FAM124B: variants seen among roughly 807,000 people sequenced by gnomAD.
FAM124B encodes protein FAM124B.
A neutral mutation model predicts 19.7 loss-of-function variants in FAM124B; 18 were observed. The observed-to-expected ratio is 0.92, with a 90% CI of 0.63 to 1.36. The LOEUF (loss-of-function observed/expected upper bound fraction) is 1.36, where lower values mean the gene tolerates loss of function less well. Among genes scored for constraint, FAM124B ranks in the 40% most tolerant of loss-of-function variants. The pLI, the probability that FAM124B is intolerant of heterozygous loss-of-function variation, is 0.00. For missense variants in FAM124B, 540 were observed against 553.3 expected (o/e 0.98, Z 0.24); for synonymous variants, 223 against 225.2 (o/e 0.99, Z 0.09).
chr2:224,382,504 G>T (rs1689739296), intron 1 of FAM124B, among the ~76,000 whole-genome samples: 1 of 149,474 alleles, frequency 6.7e-6, no homozygotes, highest in Admixed American at 6.7e-5. Flanking sequence ...CCACCTGCCA[G>T]GTTCAAGTGA....
At chr2:224,396,530 A>G (rs1057287988) in intron 1 of FAM124B, among the ~76,000 whole-genome samples, 10 of 152,084 alleles carry the variant, frequency 6.6e-5, no homozygotes, top group Non-Finnish European at 1.0e-4. Context: ...TTCCTTTAAT[A>G]GGTATAATTT....
intron 1 of FAM124B, 39 bp from the exon 2 acceptor site, chr2:224,380,247 T>G: frequency 2.0e-6 from 3 of 1,488,782 alleles, no homozygotes; most frequent in Non-Finnish European, 1.8e-6. Context: ...AAACATAATT[T>G]CCATTAACTA....
intron 1 of FAM124B, chr2:224,400,542 A>G: frequency 1.5e-6 from 1 of 684,748 alleles, no homozygotes; most frequent in East Asian, 2.7e-5. Context: ...AAAAAACCAT[A>G]TCTAAACATA....
chr2:224,383,461 C>T (rs1264796813), intron 1 of FAM124B, among the ~76,000 whole-genome samples: 1 of 152,100 alleles, frequency 6.6e-6, no homozygotes, highest in Non-Finnish European at 1.5e-5. Flanking sequence ...CTCCTTTCTT[C>T]CTTCTCTCCT....
chr2:224,390,753 T>A (rs1191185525), intron 1 of FAM124B, among the ~76,000 whole-genome samples: 1 of 149,784 alleles, frequency 6.7e-6, no homozygotes, highest in Non-Finnish European at 1.5e-5. Flanking sequence ...CAGGCTGGAG[T>A]GCAGTGGCGC....
At chr2:224,392,619 A>T (rs1689906179) in intron 1 of FAM124B, among the ~76,000 whole-genome samples, 2 of 151,986 alleles carry the variant, frequency 1.3e-5, no homozygotes, top group South Asian at 4.2e-4. Flanking sequence ...GCCGGGCATG[A>T]TGGTGCACAT....
In FAM124B at chr2:224,380,176, A is replaced by G. The variant is rs994336856; in HGVS notation, c.765T>C (p.Asn255=). ...GAAGCATGCCAGCTCCCAAGATGCC[A>G]TTCTTAACACCAAGTTCTGGATTCA... The part of the protein sequence containing the change: ...VQLNPELGVK[N]GILGAGMLPL... Residue 255 remains asparagine, a synonymous_variant, in exon 2 of 2, where the codon AAT becomes AAC. Transcript: ENST00000409685. 4 of 1,549,908 alleles carry G rather than the reference A, an allele frequency of 2.6e-6. No individual in the cohort carries two copies. The highest frequency in any genetic ancestry group is 3.9e-5 in the Admixed American group (2 of 50,912).
intron 1 of FAM124B, among the ~76,000 whole-genome samples, chr2:224,380,535 C>A (rs1559306983): frequency 6.6e-6 from 1 of 152,098 alleles, no homozygotes; most frequent in Non-Finnish European, 1.5e-5. Context: ...CATTCAGTGA[C>A]CTCACTGGAT....
chr2:224,382,085 CA>C (rs954999222), intron 1 of FAM124B, among the ~76,000 whole-genome samples: 3 of 151,984 alleles, frequency 2.0e-5, no homozygotes, highest in Non-Finnish European at 2.9e-5. Flanking sequence ...AACAAACACA[CA>C]AAAAAACAAG....
At position 224,401,315 on chromosome 2, in the gene FAM124B, C is replaced by A; in HGVS notation, c.454G>T (p.Ala152Ser). The A allele has an allele frequency of 1.2e-6, 2 of 1,613,926 alleles. No individual in the cohort carries two copies. Among genetic ancestry groups the A allele is most frequent in the Non-Finnish European group, 1.7e-6 (2 of 1,180,014 alleles). ...AGGATCATCTCGTAGAGTCTGATGG[C>A]GTCTTCATAGTTATCAAAACTGCAG... is the stretch of plus-strand genomic sequence containing the variant. ...LYCSFDNYED[A>S]IRLYEMILQR... is the part of the protein sequence containing the mutation. Residue 152 changes from alanine (A) to serine (S), a missense_variant, in exon 1 of 2, where the codon GCC becomes TCC. Coordinates refer to ENST00000409685, the MANE Select transcript of FAM124B (RefSeq NM_001122779.2).
rs201987132 is a variant in FAM124B at position 224,401,133 on chromosome 2, G to A, written c.636C>T (p.Ile212=). Residue 212 remains isoleucine (I), a synonymous_variant, in exon 1 of 2, where the codon ATC becomes ATT. Transcript: ENST00000409685. ...SSVLQFKVQE[I]GQLVPLLPNP... is the part of the protein sequence containing the mutation. Reference sequence around the variant, plus strand: ...TGGGTAGCAGAGGCACTAACTGGCCGATCTCTTGAACCTTAAACTGCAGCA... The same window carrying A: ...TGGGTAGCAGAGGCACTAACTGGCCAATCTCTTGAACCTTAAACTGCAGCA... 1.2e-6 allele frequency: 2 copies of A among 1,614,172 alleles called. No individual in the cohort carries two copies. Among genetic ancestry groups the A allele is most frequent in the African/African-American group, 1.3e-5 (1 of 75,028 alleles).
intron 1 of FAM124B, among the ~76,000 whole-genome samples, chr2:224,384,836 C>A (rs1322767610): frequency 6.6e-6 from 1 of 152,184 alleles, no homozygotes; most frequent in Non-Finnish European, 1.5e-5. Flanking sequence ...TCACCTCCCG[C>A]CTTCTTGGTG....
At chr2:224,400,681 C>G (rs1337795904) in intron 1 of FAM124B, among the ~76,000 whole-genome samples, 1 of 152,060 alleles carries the variant, frequency 6.6e-6, no homozygotes, top group Non-Finnish European at 1.5e-5. Flanking sequence ...GAGGCCGATT[C>G]TTTAATAGGA....
chr2:224,396,359 C>A (rs1173216671), intron 1 of FAM124B, among the ~76,000 whole-genome samples: 2 of 152,124 alleles, frequency 1.3e-5, no homozygotes, highest in African/African-American at 4.8e-5. Context: ...TCCTCCTGGG[C>A]CACCCAGCTC....
At chr2:224,399,071 C>T (rs538096387) in intron 1 of FAM124B, among the ~76,000 whole-genome samples, 1 of 152,310 alleles carries the variant, frequency 6.6e-6, no homozygotes, top group Admixed American at 6.5e-5. Context: ...TCTTTTCATA[C>T]AATTCATGGA....
intron 1 of FAM124B, among the ~76,000 whole-genome samples, chr2:224,387,100 C>T (rs1007365029): frequency 6.6e-6 from 1 of 152,192 alleles, no homozygotes; most frequent in Non-Finnish European, 1.5e-5. Context: ...AAACATAATG[C>T]TGAGTGATTG....
Position 224,401,385 on chromosome 2 carries a change from C to T in FAM124B, c.384G>A (p.Val128=). 1 of 1,614,128 alleles carries T rather than the reference C, an allele frequency of 6.2e-7. No homozygotes were observed. Among genetic ancestry groups the T allele is most frequent in the South Asian group, 1.1e-5 (1 of 91,076 alleles). The change falls in exon 1 of 2, where the codon GTG becomes GTA. Residue 128 remains valine (V), a synonymous_variant. Coordinates refer to ENST00000409685, the MANE Select transcript of FAM124B (RefSeq NM_001122779.2). ...SLDSQLPIWG[V]RQVHCGSEIL... The stretch of plus-strand genomic sequence containing the variant: ...TCTCGGAGCCACAGTGCACCTGCCT[C>T]ACCCCCCAGATGGGCAGCTGACTGT...
At chr2:224,389,175 G>A (rs903068095) in intron 1 of FAM124B, among the ~76,000 whole-genome samples, 1 of 151,992 alleles carries the variant, frequency 6.6e-6, no homozygotes, top group Non-Finnish European at 1.5e-5. Flanking sequence ...CAAGTGATCC[G>A]CCTGCCTCGG....
At chr2:224,387,164 C>CA (rs1165174091) in intron 1 of FAM124B, among the ~76,000 whole-genome samples, 1 of 152,164 alleles carries the variant, frequency 6.6e-6, no homozygotes, top group East Asian at 1.9e-4. Context: ...AATTGAAATG[C>CA]ATTTGTAGGA....
Sources: allele counts gnomAD v4.1 joint callset (sites outside exome capture counted in the v4.1 genomes callset), GRCh38; gene constraint gnomAD v4.1.1; transcripts MANE v1.5; gene names NCBI Gene and HGNC (gene_info 2026-07-23, HGNC 2026-07-21).